The following NUF2 variants were observed in gnomAD, a reference collection of about 807,000 sequenced individuals.
NUF2 encodes the protein kinetochore protein Nuf2.
NUF2 carries 34 observed loss-of-function variants against 61.8 expected under a neutral mutation model. The observed-to-expected ratio is 0.55, with a 90% CI of 0.42 to 0.73. The LOEUF (loss-of-function observed/expected upper bound fraction) is 0.73. Ranked by LOEUF, NUF2 falls within the 30% of genes least tolerant of loss-of-function variation. NUF2 has a pLI of 0.00. For synonymous variants in NUF2, 172 were observed against 181.6 expected, an observed-to-expected ratio of 0.95 and a Z score of 0.42; for missense variants, 445 against 539.1, an observed-to-expected ratio of 0.83 and a Z score of 1.73.
chr1:163,348,672 TATTGATTG>T (rs887137348), intron 12 of NUF2, among the ~76,000 whole-genome samples: 1 of 152,128 alleles, frequency 6.6e-6, no homozygotes, highest in African/African-American at 2.4e-5. Context: ...TCATTTTAAA[TATTGATTG>T]ATTGATTGAT....
chr1:163,334,839 G>A (rs1650704503), intron 5 of NUF2, among the ~76,000 whole-genome samples: 1 of 152,130 alleles, frequency 6.6e-6, no homozygotes, highest in African/African-American at 2.4e-5. Context: ...AGCCCTCGGT[G>A]GATATGAAAA....
chr1:163,337,963 G>T, intron 6 of NUF2, 57 bp from the exon 7 acceptor site: 1 of 1,297,054 alleles, frequency 7.7e-7, no homozygotes, highest in Non-Finnish European at 1.1e-6. Context: ...AAACATTTTG[G>T]ACACACTGAT....
At chr1:163,350,352 G>C (rs550619894) in intron 13 of NUF2, among the ~76,000 whole-genome samples, 63 of 151,262 alleles carry the variant, frequency 4.2e-4, no homozygotes, top group Admixed American at 6.6e-4. Flanking sequence ...CTTCTTAACC[G>C]AATCAAATCA....
chr1:163,351,337 A>G (rs1000005992), intron 13 of NUF2, among the ~76,000 whole-genome samples: 8 of 152,208 alleles, frequency 5.3e-5, no homozygotes, highest in African/African-American at 1.9e-4. Context: ...TCTTTTCCAC[A>G]TAAAGTTCTG....
intron 13 of NUF2, among the ~76,000 whole-genome samples, chr1:163,349,507 T>C (rs1380258902): frequency 6.6e-6 from 1 of 152,200 alleles, no homozygotes; most frequent in Non-Finnish European, 1.5e-5. Flanking sequence ...AAAAAATTGC[T>C]ATTTATTATG....
intron 10 of NUF2, among the ~76,000 whole-genome samples, chr1:163,344,482 T>C (rs1257605758): frequency 6.6e-6 from 1 of 151,156 alleles, no homozygotes; most frequent in African/African-American, 2.4e-5. Flanking sequence ...CGCTTTTCAT[T>C]TTAAACATAG....
At chr1:163,332,042 TG>T (rs545278871) in intron 5 of NUF2, among the ~76,000 whole-genome samples, 5 of 152,028 alleles carry the variant, frequency 3.3e-5, no homozygotes, top group Non-Finnish European at 7.4e-5. Context: ...TTTCTAGTTT[TG>T]TTTTTTTTAA....
intron 12 of NUF2, 139 bp downstream of exon 12, chr1:163,348,077 A>G: frequency 3.7e-6 from 2 of 547,304 alleles, no homozygotes; most frequent in Non-Finnish European, 6.2e-6. Flanking sequence ...TTAGTTGACT[A>G]AAACAGATGA....
intron 13 of NUF2, among the ~76,000 whole-genome samples, chr1:163,351,099 T>C (rs1367168107): frequency 1.3e-5 from 2 of 152,184 alleles, no homozygotes; most frequent in African/African-American, 2.4e-5. Context: ...TTATATAGCT[T>C]CATTTTCAGA....
intron 5 of NUF2, among the ~76,000 whole-genome samples, chr1:163,334,059 A>G (rs1036622534): frequency 2.6e-5 from 4 of 152,126 alleles, no homozygotes; most frequent in Non-Finnish European, 5.9e-5. Flanking sequence ...TATAAGTGAC[A>G]ATGTGCAGTA....
chr1:163,350,482 C>G (rs1480549776), intron 13 of NUF2, among the ~76,000 whole-genome samples: 2 of 152,044 alleles, frequency 1.3e-5, no homozygotes, highest in African/African-American at 4.8e-5. Flanking sequence ...ATAAGAGATA[C>G]CCATGCCTAC....
intron 5 of NUF2, among the ~76,000 whole-genome samples, chr1:163,332,325 T>A (rs1028000496): frequency 6.6e-6 from 1 of 152,196 alleles, no homozygotes; most frequent in East Asian, 1.9e-4. Context: ...TTATTTCTTT[T>A]GTGATCAGAG....
rs539149874 is a variant in NUF2 at position 163,341,303 on chromosome 1, G to A, written c.669+877G>A. On this transcript the variant is annotated intron_variant, in intron 9 of 13. Transcript: ENST00000271452. ...TGGCTCACTGCAACCTCCACCTCCT[G>A]GGTTCGAGCGATTCTTCTGCCTCAG... 3.3e-5 allele frequency among the ~76,000 whole-genome samples: 5 copies of A among 152,200 alleles called. No homozygotes were observed. In the South Asian group the frequency reaches 1.0e-3, roughly 32 times the overall value.
At chr1:163,353,629 A>G (rs922877723) in intron 13 of NUF2, among the ~76,000 whole-genome samples, 1 of 152,248 alleles carries the variant, frequency 6.6e-6, no homozygotes, top group Non-Finnish European at 1.5e-5. Context: ...CGAGGCCATC[A>G]CAGTAAAACT....
intron 7 of NUF2, among the ~76,000 whole-genome samples, chr1:163,338,457 C>A (rs906895729): frequency 1.3e-5 from 2 of 151,900 alleles, no homozygotes; most frequent in African/African-American, 4.8e-5. Context: ...AATGTTTACT[C>A]CTACAACAAA....
chr1:163,336,973 T>C, intron 6 of NUF2, 125 bp downstream of exon 6: 1 of 605,382 alleles, frequency 1.7e-6, no homozygotes, highest in Non-Finnish European at 2.9e-6. Flanking sequence ...ATTGAACTCA[T>C]TTTTATATTT....
At chr1:163,334,684 G>T (rs1533025) in intron 5 of NUF2, among the ~76,000 whole-genome samples, 89,102 of 151,940 alleles carry the variant, frequency 0.59, 26,554 homozygotes, top group Middle Eastern at 0.68. Flanking sequence ...GCAGCTTAGA[G>T]GGGAGAATCA....
chr1:163,347,731 T>A, intron 11 of NUF2, 32 bp from the exon 12 acceptor site: 1 of 1,350,186 alleles, frequency 7.4e-7, no homozygotes, highest in Non-Finnish European at 9.9e-7. Context: ...TAATTGGTTA[T>A]GTTGACTTTA....
chr1:163,351,799 A>G (rs1003478572), intron 13 of NUF2, among the ~76,000 whole-genome samples: 1 of 152,218 alleles, frequency 6.6e-6, no homozygotes, highest in Non-Finnish European at 1.5e-5. Flanking sequence ...CTTCATGAAA[A>G]GAAAAAAGGA....
Sources: allele counts gnomAD v4.1 joint callset (sites outside exome capture counted in the v4.1 genomes callset), GRCh38; gene constraint gnomAD v4.1.1; transcripts MANE v1.5; gene names NCBI Gene and HGNC (gene_info 2026-07-23, HGNC 2026-07-21).